GRK5: variants seen among roughly 807,000 people sequenced by gnomAD.
GRK5 encodes the protein g protein-coupled receptor kinase GRK5.
In GRK5, 40 loss-of-function variants were observed where a neutral mutation model predicts 78.4. That is an observed-to-expected ratio of 0.51 (90% CI 0.40 to 0.66). The LOEUF (loss-of-function observed/expected upper bound fraction) is 0.66. Among genes scored for constraint, GRK5 ranks in the 30% least tolerant of loss-of-function variants. The probability of loss-of-function intolerance (pLI) is 0.00; values close to 1 mark genes in which losing one functional copy is unlikely to be tolerated. For missense variants in GRK5, 598 were observed against 759.9 expected (o/e 0.79, Z 2.50); for synonymous variants, 289 against 296.8 (o/e 0.97, Z 0.27).
intron 1 of GRK5, among the ~76,000 whole-genome samples, chr10:119,290,285 T>C (rs1489831449): frequency 7.4e-6 from 1 of 134,648 alleles, no homozygotes; most frequent in Non-Finnish European, 1.5e-5. Context: ...AGGCGGAGGT[T>C]ACAATGAGCT....
At chr10:119,243,789 G>T (rs1849063765) in intron 1 of GRK5, among the ~76,000 whole-genome samples, 1 of 152,200 alleles carries the variant, frequency 6.6e-6, no homozygotes, top group Non-Finnish European at 1.5e-5. Flanking sequence ...GGATGAAGGA[G>T]TGCCACACAG....
At chr10:119,323,483 C>G (rs1433792864) in intron 1 of GRK5, among the ~76,000 whole-genome samples, 2 of 152,130 alleles carry the variant, frequency 1.3e-5, no homozygotes, top group East Asian at 3.9e-4. Flanking sequence ...AGGGTTTAGG[C>G]TGATTTCTTG....
At chr10:119,222,696 G>A (rs975501188) in intron 1 of GRK5, among the ~76,000 whole-genome samples, 1 of 152,066 alleles carries the variant, frequency 6.6e-6, no homozygotes, top group African/African-American at 2.4e-5. Context: ...GGAGGAGAAT[G>A]GCATTTTCTT....
In GRK5 at chr10:119,443,561, A is replaced by G; in HGVS notation, c.1075A>G (p.Asn359Asp). Residue 359 changes from asparagine (N) to aspartate (D), a missense_variant, in exon 12 of 16, where the codon AAC becomes GAC. Asn to Asp is a conservative substitution (Grantham distance 23). Coordinates refer to ENST00000392870, the MANE Select transcript of GRK5 (RefSeq NM_005308.3). The part of the protein sequence containing the change: ...VGYMAPEVLN[N>D]QRYGLSPDYW... ...GCCCCCAGCTCCAGAGGTCCTGAAC[A>G]ACCAGAGGTACGGCCTGAGCCCCGA... 1 of 1,608,120 alleles carries G rather than the reference A, an allele frequency of 6.2e-7. No individual in the cohort carries two copies. Among genetic ancestry groups the G allele is most frequent in the African/African-American group, 1.3e-5 (1 of 74,966 alleles).
intron 2 of GRK5, among the ~76,000 whole-genome samples, chr10:119,345,159 G>A (rs1278482292): frequency 2.6e-5 from 4 of 151,874 alleles, no homozygotes; most frequent in African/African-American, 7.3e-5. Context: ...TAGTAGAGAC[G>A]GGATTTCACC....
intron 4 of GRK5, among the ~76,000 whole-genome samples, chr10:119,420,907 A>C (rs1168931641): frequency 6.6e-6 from 1 of 151,580 alleles, no homozygotes; most frequent in African/African-American, 2.4e-5. Flanking sequence ...TTTTAATTCT[A>C]CCCCTGCCCA....
At chr10:119,334,714 G>A (rs1016560508) in intron 2 of GRK5, 4 of 151,996 alleles carry the variant, frequency 2.6e-5, no homozygotes, top group Non-Finnish European at 5.9e-5. Flanking sequence ...AAGTCTGAGG[G>A]GGCTTGAGTG....
intron 1 of GRK5, among the ~76,000 whole-genome samples, chr10:119,294,974 A>AG (rs1850053347): frequency 6.6e-6 from 1 of 152,054 alleles, no homozygotes; most frequent in South Asian, 2.1e-4. Context: ...GTGGATCATG[A>AG]GGTCAGGAGA....
In GRK5 at chr10:119,443,771, G is replaced by T; in HGVS notation, c.1266+19G>T. 1 of 1,578,026 alleles carries T rather than the reference G, an allele frequency of 6.3e-7. No homozygotes were observed. Among genetic ancestry groups the T allele is most frequent in the Non-Finnish European group, 8.6e-7 (1 of 1,156,720 alleles). ...CAAGATGGTGAGCTCCTGGTGGCCA[G>T]ATGCCACCCTCAAGCTGGTGGCTCC... On this transcript the variant is annotated intron_variant, in intron 12 of 15. Transcript: ENST00000392870.
intron 1 of GRK5, among the ~76,000 whole-genome samples, chr10:119,236,390 G>A (rs970280251): frequency 4.0e-5 from 6 of 151,664 alleles, no homozygotes; most frequent in South Asian, 4.2e-4. Context: ...AATTTTTTGT[G>A]TTTTTAGTAG....
At chr10:119,327,521 A>G (rs1441855795) in intron 2 of GRK5, among the ~76,000 whole-genome samples, 2 of 152,230 alleles carry the variant, frequency 1.3e-5, no homozygotes, top group African/African-American at 4.8e-5. Context: ...GGTGCTGCCC[A>G]GAACTCCATA....
At chr10:119,329,425 C>T (rs1436497243) in intron 2 of GRK5, among the ~76,000 whole-genome samples, 1 of 152,206 alleles carries the variant, frequency 6.6e-6, no homozygotes, top group African/African-American at 2.4e-5. Flanking sequence ...AGGGACGACA[C>T]AGCAGTGAGC....
At chr10:119,291,587 CCTCCTCCTCCTCCTCTTCCTCCTCCTCT>C (rs1159116176) in intron 1 of GRK5, among the ~76,000 whole-genome samples, 2 of 135,282 alleles carry the variant, frequency 1.5e-5, no homozygotes, top group African/African-American at 5.7e-5. Flanking sequence ...TCCTCCTCTT[CCTCCTCCTCCTCCTCTTCCTCCTCCTCT>C]TCTTCCTCCT....
chr10:119,225,973 C>T (rs1217034027), intron 1 of GRK5, among the ~76,000 whole-genome samples: 7 of 151,750 alleles, frequency 4.6e-5, no homozygotes, highest in African/African-American at 7.3e-5. Flanking sequence ...TTCAGCCTCC[C>T]GTGTAGCTGG....
intron 1 of GRK5, among the ~76,000 whole-genome samples, chr10:119,291,510 C>CTCCTCCTCCTCTTCT (rs1849953984): frequency 1.5e-5 from 2 of 131,478 alleles, no homozygotes; most frequent in Admixed American, 7.7e-5. Context: ...CTGCTGCTGC[C>CTCCTCCTCCTCTTCT]TCCTCCTCCT....
intron 1 of GRK5, among the ~76,000 whole-genome samples, chr10:119,317,347 GGTGTGTGTGTGTGTGTGT>G (rs3064482): frequency 2.1e-5 from 3 of 142,512 alleles, no homozygotes; most frequent in African/African-American, 2.6e-5. Context: ...TCAGTAGATG[GGTGTGTGTGTGTGTGTGT>G]GTGTGTGTGT....
intron 1 of GRK5, among the ~76,000 whole-genome samples, chr10:119,215,568 G>A (rs1848557912): frequency 6.6e-6 from 1 of 151,490 alleles, no homozygotes; most frequent in African/African-American, 2.4e-5. Context: ...GGTGAAGGCA[G>A]GGGTTGGGAG....
intron 1 of GRK5, among the ~76,000 whole-genome samples, chr10:119,312,638 G>A (rs1276748964): frequency 1.3e-5 from 2 of 152,182 alleles, no homozygotes; most frequent in African/African-American, 2.4e-5. Context: ...AGTGAGTAGA[G>A]GTGAGAGTGG....
chr10:119,319,002 G>A (rs11198874), intron 1 of GRK5, among the ~76,000 whole-genome samples: 5,822 of 152,300 alleles, frequency 0.038, 228 homozygotes, highest in East Asian at 0.21. Flanking sequence ...TGCTTGGCCC[G>A]TGCTTAAGAA....
Sources: allele counts gnomAD v4.1 joint callset (sites outside exome capture counted in the v4.1 genomes callset), GRCh38; gene constraint gnomAD v4.1.1; transcripts MANE v1.5; gene names NCBI Gene and HGNC (gene_info 2026-07-23, HGNC 2026-07-21).